BLTP3A: variants seen among roughly 807,000 people sequenced by gnomAD.
BLTP3A encodes ICBP90 binding protein 1.
At chr6:34,856,786 T>G in the BLTP3A span, 7 of 1,610,206 alleles carry the variant, frequency 4.3e-6, no homozygotes, top group Non-Finnish European at 5.9e-6. Context: ...TTATTTTTAT[T>G]TAGATTCTCT....
chr6:34,816,749 G>T, the BLTP3A span, among the ~76,000 whole-genome samples: 1 of 152,180 alleles, frequency 6.6e-6, no homozygotes. Context: ...ACTTCTACAA[G>T]AATTCTCAGC....
At chr6:34,852,496 G>C in the BLTP3A span, among the ~76,000 whole-genome samples, 1 of 151,874 alleles carries the variant, frequency 6.6e-6, no homozygotes, top group Non-Finnish European at 1.5e-5. Context: ...TAGTTGAGCT[G>C]GTATCCAAAT....
At chr6:34,845,980 A>C in the BLTP3A span, among the ~76,000 whole-genome samples, 1 of 151,712 alleles carries the variant, frequency 6.6e-6, no homozygotes, top group African/African-American at 2.4e-5. Context: ...GATTGCATTG[A>C]ATCTGTAGGT....
At chr6:34,829,938 G>A in the BLTP3A span, among the ~76,000 whole-genome samples, 4 of 152,218 alleles carry the variant, frequency 2.6e-5, no homozygotes, top group African/African-American at 9.6e-5. Context: ...CCAAGTAGCT[G>A]GAACTATAGG....
the BLTP3A span, among the ~76,000 whole-genome samples, chr6:34,816,473 T>C: frequency 1.1e-4 from 17 of 150,566 alleles, no homozygotes; most frequent in South Asian, 2.1e-3. Context: ...TAGCTGGGTA[T>C]AGTGACATGC....
At chr6:34,858,169 C>T in the BLTP3A span, 1 of 1,614,144 alleles carries the variant, frequency 6.2e-7, no homozygotes, top group African/African-American at 1.3e-5. Context: ...GTTGCATCGT[C>T]CCCAGGCCCT....
At chr6:34,795,517 C>T in the BLTP3A span, among the ~76,000 whole-genome samples, 1 of 151,818 alleles carries the variant, frequency 6.6e-6, no homozygotes, top group Non-Finnish European at 1.5e-5. Flanking sequence ...CCTGTCTTGC[C>T]CTCCCAAGTA....
chr6:34,857,201 T>C, the BLTP3A span: 1 of 1,194,104 alleles, frequency 8.4e-7, no homozygotes, highest in African/African-American at 1.5e-5. Context: ...CTGGAATATA[T>C]GTGAAAGACA....
the BLTP3A span, among the ~76,000 whole-genome samples, chr6:34,816,293 C>T: frequency 2.6e-5 from 4 of 152,156 alleles, no homozygotes; most frequent in East Asian, 3.9e-4. Flanking sequence ...AGTTTGAAAA[C>T]GTCTATCTCA....
chr6:34,836,286 A>G, the BLTP3A span: 3 of 1,614,120 alleles, frequency 1.9e-6, no homozygotes, highest in East Asian at 2.2e-5. Flanking sequence ...GAGTCCTCCT[A>G]CCATCTGCTC....
chr6:34,798,594 CTTTTTT>C, the BLTP3A span, among the ~76,000 whole-genome samples: 2 of 94,500 alleles, frequency 2.1e-5, no homozygotes, highest in African/African-American at 9.6e-5. Flanking sequence ...TTCTTTCTTT[CTTTTTT>C]TTTTTTTTTT....
the BLTP3A span, among the ~76,000 whole-genome samples, chr6:34,815,203 T>C: frequency 6.6e-6 from 1 of 152,194 alleles, no homozygotes; most frequent in Admixed American, 6.5e-5. Flanking sequence ...GGCCAGAGAA[T>C]AATGCTTTTT....
chr6:34,823,401 CT>C, the BLTP3A span: 5 of 1,460,970 alleles, frequency 3.4e-6, no homozygotes, highest in Non-Finnish European at 4.7e-6. Context: ...TCCAGATCCC[CT>C]TTTAGTTAAA....
At chr6:34,830,315 G>A in the BLTP3A span, among the ~76,000 whole-genome samples, 1 of 151,894 alleles carries the variant, frequency 6.6e-6, no homozygotes, top group African/African-American at 2.4e-5. Flanking sequence ...CCGGCTGGGT[G>A]TGGTGACTCA....
chr6:34,800,252 C>T, the BLTP3A span, among the ~76,000 whole-genome samples: 1 of 152,132 alleles, frequency 6.6e-6, no homozygotes, highest in Non-Finnish European at 1.5e-5. Flanking sequence ...GGTACCCTTA[C>T]TTAATACAGA....
At chr6:34,872,738 C>T in the BLTP3A span, 6,810 of 202,558 alleles carry the variant, frequency 0.034, 397 homozygotes, top group East Asian at 0.24. Context: ...ATCTTCTCAA[C>T]ACTGTAGGGC....
the BLTP3A span, among the ~76,000 whole-genome samples, chr6:34,831,643 T>G: frequency 6.6e-6 from 1 of 152,178 alleles, no homozygotes; most frequent in East Asian, 1.9e-4. Context: ...GAACTGATTT[T>G]TTGTTGTTGT....
the BLTP3A span, chr6:34,859,331 T>C: frequency 5.6e-6 from 9 of 1,613,858 alleles, no homozygotes; most frequent in Non-Finnish European, 7.6e-6. Flanking sequence ...CCAGCTGCAT[T>C]GAAGCCCCCA....
At chr6:34,832,241 CTCCCAAG>C in the BLTP3A span, among the ~76,000 whole-genome samples, 1 of 151,994 alleles carries the variant, frequency 6.6e-6, no homozygotes, top group East Asian at 1.9e-4. Context: ...CCGCCTCAGC[CTCCCAAG>C]TTGCTGGGAC....
Sources: gnomAD v4.1 joint callset for allele counts (sites outside exome capture counted in the v4.1 genomes callset) on GRCh38, gnomAD v4.1.1 for gene constraint, MANE v1.5 for transcripts, NCBI Gene and HGNC (gene_info 2026-07-23, HGNC 2026-07-21) for gene names.